Variants in KANK1 observed in about 807,000 individuals in gnomAD.
KANK1 encodes the protein KN motif and ankyrin repeat domain-containing protein 1.
Under a neutral mutation model 106.2 loss-of-function variants are expected in KANK1, and 109 were observed. That is an observed-to-expected ratio of 1.03 (90% confidence interval 0.88 to 1.20). KANK1 has a LOEUF of 1.20. KANK1 is among the 50% of genes most tolerant of loss of function. KANK1 has a pLI of 0.00. For synonymous variants in KANK1, 873 were observed against 652.2 expected (o/e 1.34, Z -5.16); for missense variants, 2,399 against 1,710.7 (o/e 1.40, Z -7.10).
chr9:473,894 T>G (rs901715740), intron 3 of KANK1, among the ~76,000 whole-genome samples: 2 of 152,128 alleles, frequency 1.3e-5, no homozygotes, highest in African/African-American at 4.8e-5. Flanking sequence ...GAGACAGGGT[T>G]TCACCATGTT....
chr9:555,299 A>G (rs1042094377), intron 1 of KANK1, among the ~76,000 whole-genome samples: 1 of 152,156 alleles, frequency 6.6e-6, no homozygotes, highest in African/African-American at 2.4e-5. Flanking sequence ...CATCACCACT[A>G]TTGGGAAGAC....
intron 3 of KANK1, among the ~76,000 whole-genome samples, chr9:490,860 A>C (rs2058366739): frequency 6.6e-6 from 1 of 152,158 alleles, no homozygotes; most frequent in Admixed American, 6.5e-5. Flanking sequence ...AAACAAATAT[A>C]AACATAATAA....
At chr9:521,565 C>CTT (rs35143391) in intron 1 of KANK1, among the ~76,000 whole-genome samples, 1,376 of 118,748 alleles carry the variant, frequency 0.012, 50 homozygotes, top group African/African-American at 0.04. Context: ...CCTCCAGATT[C>CTT]TTTTTTTTTT....
intron 1 of KANK1, among the ~76,000 whole-genome samples, chr9:606,628 A>G (rs1460523006): frequency 8.3e-6 from 1 of 120,946 alleles, no homozygotes; most frequent in African/African-American, 2.6e-5. Context: ...ATATTTATAT[A>G]TTTATATATA....
chr9:694,883 C>CT (rs571057788), intron 2 of KANK1, among the ~76,000 whole-genome samples: 548 of 152,240 alleles, frequency 3.6e-3, no homozygotes, highest in African/African-American at 0.012. Flanking sequence ...ACTGCAGGCT[C>CT]TGTCTGCCTG....
chr9:635,573 A>G (rs960106448), intron 1 of KANK1, among the ~76,000 whole-genome samples: 1 of 152,136 alleles, frequency 6.6e-6, no homozygotes, highest in African/African-American at 2.4e-5. Flanking sequence ...ATGGAATAAT[A>G]GTGTTCCCTT....
intron 1 of KANK1, among the ~76,000 whole-genome samples, chr9:640,850 C>G (rs916167188): frequency 6.6e-6 from 1 of 151,676 alleles, no homozygotes; most frequent in Non-Finnish European, 1.5e-5. Context: ...GTGCCCGCCA[C>G]CAGGCCCAGC....
intron 3 of KANK1, among the ~76,000 whole-genome samples, chr9:481,739 G>A (rs1048601245): frequency 4.6e-5 from 7 of 152,008 alleles, no homozygotes; most frequent in East Asian, 1.9e-4. Context: ...CTCACACCTC[G>A]ATCTCTACTC....
intron 1 of KANK1, among the ~76,000 whole-genome samples, chr9:546,537 G>T (rs2060937829): frequency 6.6e-6 from 1 of 152,050 alleles, no homozygotes; most frequent in African/African-American, 2.4e-5. Context: ...CTTTGCTGCA[G>T]TCTCATTTGC....
Position 676,994 on chromosome 9 carries a change from A to G in KANK1, c.22A>G (p.Asn8Asp), listed in dbSNP as rs764534777. The G allele has an allele frequency of 1.9e-6, 3 of 1,613,888 alleles. No individual in the cohort carries two copies. The highest frequency in any genetic ancestry group is 2.5e-6 in the Non-Finnish European group (3 of 1,179,868). ...CAGCATGGCTCACACCACAAAGGTT[A>G]ACGGCAGTGCCTCAGGTAACCCTGT... MAHTTKV[N>D]GSASGKAGDI... Residue 8 changes from asparagine (N) to aspartate (D), a missense_variant, in exon 2 of 12, where the codon AAC becomes GAC. Transcript: ENST00000382297.
At chr9:530,337 T>C (rs1331412172) in intron 1 of KANK1, among the ~76,000 whole-genome samples, 1 of 152,232 alleles carries the variant, frequency 6.6e-6, no homozygotes, top group African/African-American at 2.4e-5. Flanking sequence ...GGGTTTCTTT[T>C]GGTACTTTTG....
chr9:686,874 A>G (rs1171661632), intron 2 of KANK1: 1 of 985,202 alleles, frequency 1.0e-6, no homozygotes, highest in Admixed American at 6.2e-5. Context: ...ACACCTCAGG[A>G]CACTGATTGT....
chr9:539,485 A>G (rs1409389138), intron 1 of KANK1: 1 of 152,054 alleles, frequency 6.6e-6, no homozygotes, highest in African/African-American at 2.4e-5. Context: ...TTTATTACTA[A>G]GTATTTCATT....
At position 569,027 on chromosome 9, in the gene KANK1, G is replaced by A. The variant is rs980158036; in HGVS notation, c.-84+64273G>A. On this transcript the variant is annotated intron_variant, in intron 1 of 11. Transcript: ENST00000382297. The stretch of plus-strand genomic sequence containing the variant: ...GGCTCTGGTGCTCTTCTACCCACCT[G>A]TAGAGGTTCAGCTGGGGACCAGCTC... Among the ~76,000 whole-genome samples, 6 of 152,130 alleles carry A rather than the reference G, an allele frequency of 3.9e-5. No homozygotes were observed. The South Asian group carries it at 6.2e-4, about 16-fold the overall frequency.
intron 1 of KANK1, among the ~76,000 whole-genome samples, chr9:545,662 T>C (rs78431827): frequency 0.012 from 1,882 of 151,628 alleles, 20 homozygotes; most frequent in Non-Finnish European, 0.018. Flanking sequence ...ACAAGAACTT[T>C]CAGGGACTTC....
chr9:580,775 C>T (rs536029445), intron 1 of KANK1, among the ~76,000 whole-genome samples: 2 of 152,370 alleles, frequency 1.3e-5, no homozygotes, highest in East Asian at 1.9e-4. Flanking sequence ...CGCCCGCACT[C>T]CTGAGCCCTT....
At chr9:592,440 G>C (rs895748524) in intron 1 of KANK1, among the ~76,000 whole-genome samples, 1 of 151,066 alleles carries the variant, frequency 6.6e-6, no homozygotes, top group Non-Finnish European at 1.5e-5. Flanking sequence ...TGGCTTGTCA[G>C]GGCCACAGCT....
chr9:555,515 C>G (rs1381501882), intron 1 of KANK1, among the ~76,000 whole-genome samples: 1 of 152,178 alleles, frequency 6.6e-6, no homozygotes, highest in Non-Finnish European at 1.5e-5. Context: ...AGGTAAAATA[C>G]TATAGTTTGT....
At chr9:688,844 G>T (rs934457279) in intron 2 of KANK1, among the ~76,000 whole-genome samples, 2 of 152,130 alleles carry the variant, frequency 1.3e-5, no homozygotes, top group African/African-American at 2.4e-5. Context: ...ATTCTCTGGT[G>T]CAGCTTGGTG....
Sources: gnomAD v4.1 joint callset for allele counts (sites outside exome capture counted in the v4.1 genomes callset) on GRCh38, gnomAD v4.1.1 for gene constraint, MANE v1.5 for transcripts, NCBI Gene and HGNC (gene_info 2026-07-23, HGNC 2026-07-21) for gene names.